Variants in ARHGAP11B observed in about 807,000 individuals in gnomAD.
ARHGAP11B encodes Rho GTPase activating protein 11B.
ARHGAP11B carries 14 observed loss-of-function variants against 27.6 expected under a neutral mutation model. The ratio of observed to expected loss-of-function variants is 0.51; its 90% CI spans 0.34 to 0.79. The LOEUF (loss-of-function observed/expected upper bound fraction) is 0.79. ARHGAP11B is among the 30% of genes least tolerant of loss of function. ARHGAP11B has a pLI of 0.02. For missense variants in ARHGAP11B, 245 were observed against 320.1 expected, an observed-to-expected ratio of 0.77 and a Z score of 1.79; for synonymous variants, 82 against 114.1, an observed-to-expected ratio of 0.72 and a Z score of 1.80.
Position 30,626,510 on chromosome 15 carries a change from A to T in ARHGAP11B, c.-311A>T. 2.6e-6 allele frequency: 1 copy of T among 390,808 alleles called. No homozygotes were observed. The highest frequency in any genetic ancestry group is 4.6e-6 in the Non-Finnish European group (1 of 217,566). 24.2% of individuals were successfully genotyped at this position (390,808 alleles called of 1,614,324 possible). On this transcript the variant is annotated 5_prime_UTR_variant, in exon 1 of 11. The change creates a new upstream start codon in the 5' untranslated region. Coordinates refer to ENST00000428041, the Ensembl canonical transcript of ARHGAP11B. ...ATCTGGCAATAGGCGAGAAACCGAA[A>T]GAATCAGAAAGAAGTCTATGTGAGT...
chr15:30,635,388 GAAA>G, intron 5 of ARHGAP11B, 96 bp from the exon 6 acceptor site: 1 of 1,492,618 alleles, frequency 6.7e-7, no homozygotes, highest in Non-Finnish European at 9.0e-7. Flanking sequence ...CTCCTGCAAA[GAAA>G]AAAAGAAAAG....
chr15:30,634,340 A>G, exon 4 of ARHGAP11B: 3 of 1,613,464 alleles, frequency 1.9e-6, no homozygotes, highest in Non-Finnish European at 2.5e-6. Context: ...ATAAAGCTAT[A>G]CTGTTGCTCT....
intron 7 of ARHGAP11B, among the ~76,000 whole-genome samples, chr15:30,642,022 A>G (rs950597567): frequency 6.6e-6 from 1 of 152,024 alleles, no homozygotes; most frequent in East Asian, 1.9e-4. Context: ...GGCTGGACAC[A>G]TTTTTAAAGT....
chr15:30,638,431 C>G (rs1434016098), intron 6 of ARHGAP11B, among the ~76,000 whole-genome samples: 1 of 151,634 alleles, frequency 6.6e-6, no homozygotes, highest in Non-Finnish European at 1.5e-5. Context: ...TGCCTCAGTT[C>G]AGACCTTCAT....
At chr15:30,646,560 C>G (rs1485369422) in intron 9 of ARHGAP11B, among the ~76,000 whole-genome samples, 1 of 151,730 alleles carries the variant, frequency 6.6e-6, no homozygotes, top group Admixed American at 6.6e-5. Context: ...AATATATAGG[C>G]TGAGGCAGGA....
At chr15:30,627,817 T>C (rs2060219848) in intron 1 of ARHGAP11B, among the ~76,000 whole-genome samples, 1 of 152,008 alleles carries the variant, frequency 6.6e-6, no homozygotes, top group African/African-American at 2.4e-5. Context: ...TTTAATAGTT[T>C]ATGGTTTCTA....
rs758324122 is a variant in ARHGAP11B at position 30,648,217 on chromosome 15, C to T, written c.*372-87C>T. Among the ~76,000 whole-genome samples, 4 of 152,024 alleles carry T rather than the reference C, an allele frequency of 2.6e-5. 1 individual carries two copies. Among genetic ancestry groups the T allele is most frequent in the Admixed American group, 6.6e-5 (1 of 15,258 alleles). ...ACCCTTATCTGTCCCTCATGTAGCACGTAGCTTCCCTATGATTTTATTTAT... is the reference window on the plus strand; with the variant it reads ...ACCCTTATCTGTCCCTCATGTAGCATGTAGCTTCCCTATGATTTTATTTAT... On this transcript the variant is annotated intron_variant, in intron 10 of 10. Transcript: ENST00000428041.
intron 1 of ARHGAP11B, among the ~76,000 whole-genome samples, chr15:30,628,832 A>G (rs1357676405): frequency 2.0e-5 from 3 of 152,054 alleles, no homozygotes; most frequent in Non-Finnish European, 2.9e-5. Context: ...ATTTTATGAG[A>G]TTAAATTTTA....
intron 9 of ARHGAP11B, among the ~76,000 whole-genome samples, chr15:30,646,595 G>A (rs938711320): frequency 9.2e-5 from 14 of 151,452 alleles, no homozygotes; most frequent in African/African-American, 3.2e-4. Flanking sequence ...CCAGGGGCGC[G>A]GAGCCTGCAG....
At chr15:30,635,009 T>C in intron 4 of ARHGAP11B, 71 bp from the exon 5 acceptor site, 1 of 1,519,530 alleles carries the variant, frequency 6.6e-7, no homozygotes, top group South Asian at 1.1e-5. Flanking sequence ...CAAAATGTAC[T>C]ACATACGTTA....
At chr15:30,630,838 G>A (rs2060240216) in intron 2 of ARHGAP11B, 65 bp downstream of exon 2, 4 of 1,608,582 alleles carry the variant, frequency 2.5e-6, no homozygotes, top group Non-Finnish European at 3.4e-6. Context: ...CCAGCATTTT[G>A]AGAGGCCGAG....
intron 8 of ARHGAP11B, among the ~76,000 whole-genome samples, chr15:30,645,878 A>C (rs780853717): frequency 6.6e-6 from 1 of 152,042 alleles, no homozygotes. Context: ...CATCTGCTTT[A>C]TTTGAAAGCA....
At chr15:30,627,852 C>T (rs1280317980) in intron 1 of ARHGAP11B, among the ~76,000 whole-genome samples, 8 of 151,878 alleles carry the variant, frequency 5.3e-5, no homozygotes, top group African/African-American at 1.9e-4. Context: ...GAGAAGAAAA[C>T]CACTAACAAA....
At chr15:30,628,239 C>A (rs1403998078) in intron 1 of ARHGAP11B, among the ~76,000 whole-genome samples, 2 of 151,860 alleles carry the variant, frequency 1.3e-5, no homozygotes, top group African/African-American at 4.8e-5. Context: ...CGCCACCACA[C>A]CTGGCTAATT....
At chr15:30,643,876 T>C (rs2060329502) in intron 7 of ARHGAP11B, among the ~76,000 whole-genome samples, 1 of 152,046 alleles carries the variant, frequency 6.6e-6, no homozygotes, top group South Asian at 2.1e-4. Flanking sequence ...AATTTTTAAT[T>C]AAAAGTCTCA....
chr15:30,636,598 A>G (rs2060281223), intron 6 of ARHGAP11B, among the ~76,000 whole-genome samples: 1 of 152,074 alleles, frequency 6.6e-6, no homozygotes, highest in African/African-American at 2.4e-5. Flanking sequence ...TGACTTATGT[A>G]TGATTTTCCT....
At position 30,640,901 on chromosome 15, in the gene ARHGAP11B, GT is replaced by G. The variant is rs766874775; in HGVS notation, c.*78+2094del. Among the ~76,000 whole-genome samples the G allele has an allele frequency of 1.2e-3, 179 of 144,124 alleles. 2 individuals are homozygous for G. Among genetic ancestry groups the G allele is most frequent in the Admixed American group, 5.7e-3 (82 of 14,384 alleles). 94.6% of individuals were successfully genotyped at this position (144,124 alleles called of 152,430 possible). A position where few individuals can be genotyped will look rare whatever the true frequency, so the allele number is the denominator to read the frequency against. On this transcript the variant is annotated intron_variant, in intron 7 of 10. Coordinates refer to ENST00000428041, the Ensembl canonical transcript of ARHGAP11B. Reference sequence around the variant, plus strand: ...AAACTTTTTTAAGTAACATAGTTCAGTTTTTTTTTTTTTGAATATTTAAAAG... The same window carrying G: ...AAACTTTTTTAAGTAACATAGTTCAGTTTTTTTTTTTTGAATATTTAAAAG...
chr15:30,641,338 CTTTT>C (rs561343093), intron 7 of ARHGAP11B, among the ~76,000 whole-genome samples: 1 of 142,688 alleles, frequency 7.0e-6, no homozygotes. Context: ...ATAATTGTCT[CTTTT>C]TTTTTTTTTT....
At chr15:30,635,115 C>T in exon 5 of ARHGAP11B, 1 of 1,613,496 alleles carries the variant, frequency 6.2e-7, no homozygotes, top group African/African-American at 1.3e-5. Flanking sequence ...AGCAATCTTG[C>T]AGTAATATTT....
Sources: allele counts gnomAD v4.1 joint callset (sites outside exome capture counted in the v4.1 genomes callset), GRCh38; gene constraint gnomAD v4.1.1; transcripts MANE v1.5; gene names NCBI Gene and HGNC (gene_info 2026-07-23, HGNC 2026-07-21).